The following CAMK4 variants were observed in gnomAD, a reference collection of about 807,000 sequenced individuals.
The protein encoded by CAMK4 is calcium/calmodulin dependent protein kinase IV, also known as calcium/calmodulin-dependent protein kinase type IV.
CAMK4 carries 22 observed loss-of-function variants against 44.9 expected under a neutral mutation model. The ratio of observed to expected loss-of-function variants is 0.49; its 90% CI spans 0.35 to 0.70. The LOEUF is 0.70. Among genes scored for constraint, CAMK4 ranks in the 30% least tolerant of loss-of-function variants. The probability of loss-of-function intolerance (pLI) is 0.01; values close to 1 mark genes in which losing one functional copy is unlikely to be tolerated. For synonymous variants in CAMK4, 218 were observed against 215.4 expected (o/e 1.01, Z -0.11); for missense variants, 498 against 586.8 (o/e 0.85, Z 1.56).
chr5:111,350,621 C>A (rs7724631), intron 2 of CAMK4, among the ~76,000 whole-genome samples: 1 of 151,746 alleles, frequency 6.6e-6, no homozygotes, highest in Non-Finnish European at 1.5e-5. Context: ...CCTAGATCTA[C>A]AATAGAAAAA....
chr5:111,397,160 A>G (rs1279975710), intron 5 of CAMK4, among the ~76,000 whole-genome samples: 1 of 152,230 alleles, frequency 6.6e-6, no homozygotes, highest in Non-Finnish European at 1.5e-5. Context: ...CTGATACAGC[A>G]GTTAAGAATA....
chr5:111,368,734 G>T (rs891855536), intron 2 of CAMK4, among the ~76,000 whole-genome samples: 1 of 151,938 alleles, frequency 6.6e-6, no homozygotes, highest in Non-Finnish European at 1.5e-5. Flanking sequence ...ATCAGGTTTT[G>T]TTGCTTAGTT....
intron 1 of CAMK4, among the ~76,000 whole-genome samples, chr5:111,239,191 C>A (rs1748879175): frequency 6.6e-6 from 1 of 152,108 alleles, no homozygotes. Flanking sequence ...ACCCAGTATT[C>A]CTCTGGGTCT....
At chr5:111,356,264 C>G (rs1387479046) in intron 2 of CAMK4, among the ~76,000 whole-genome samples, 1 of 151,386 alleles carries the variant, frequency 6.6e-6, no homozygotes, top group Non-Finnish European at 1.5e-5. Flanking sequence ...TGATGATGAG[C>G]ATTTTTTCAT....
rs1755748494 is a variant in CAMK4, at chr5:111,489,633, TG to T, written c.*5168del. The T allele has an allele frequency of 6.6e-6, 1 of 152,196 alleles. No homozygotes were observed. The highest frequency in any genetic ancestry group is 1.5e-5 in the Non-Finnish European group (1 of 68,034). 9.4% of individuals were successfully genotyped at this position (152,196 alleles called of 1,614,324 possible). A position where few individuals can be genotyped will look rare whatever the true frequency, so the allele number is the denominator to read the frequency against. On this transcript the variant is annotated 3_prime_UTR_variant, in exon 11 of 11. Transcript: ENST00000282356. ...TAGAAGCCTTGCCGAGAAAGTGAAC[TG>T]TCTTACTCCTTCAAAGGAATCAGAT...
intron 1 of CAMK4, among the ~76,000 whole-genome samples, chr5:111,245,594 A>T (rs375008454): frequency 3.9e-5 from 6 of 152,112 alleles, no homozygotes; most frequent in African/African-American, 1.2e-4. Flanking sequence ...TTGGTTTTTT[A>T]TTCTCATAAT....
In CAMK4 at chr5:111,421,092, A is replaced by T. The variant is rs141222499; in HGVS notation, c.460-25594A>T. Among the ~76,000 whole-genome samples the T allele has an allele frequency of 6.0e-3, 909 of 152,346 alleles. 6 individuals are homozygous for T. The highest frequency in any genetic ancestry group is 0.015 in the Admixed American group (237 of 15,304). ...GCAGTAAAGACAGCCATAAGAAATT[A>T]TAAAAGTATTAATTTGGGGAACTAA... On this transcript the variant is annotated intron_variant, in intron 5 of 10. Coordinates refer to ENST00000282356, the MANE Select transcript of CAMK4 (RefSeq NM_001744.6).
intron 1 of CAMK4, among the ~76,000 whole-genome samples, chr5:111,333,173 T>C (rs556990506): frequency 1.3e-5 from 2 of 150,998 alleles, no homozygotes; most frequent in African/African-American, 4.9e-5. Flanking sequence ...TTAAATATAG[T>C]AGATGGTATG....
intron 1 of CAMK4, among the ~76,000 whole-genome samples, chr5:111,308,399 A>G (rs1748035963): frequency 6.6e-6 from 1 of 152,226 alleles, no homozygotes; most frequent in African/African-American, 2.4e-5. Flanking sequence ...GGTGGTGGTA[A>G]TAAGGATTAC....
rs1468008020 is a variant in CAMK4 at position 111,276,225 on chromosome 5, A to G, written c.161+51581A>G. Among the ~76,000 whole-genome samples the G allele has an allele frequency of 2.6e-5, 4 of 152,226 alleles. No homozygotes were observed. In the East Asian group the frequency reaches 5.8e-4, roughly 22 times the overall value. On this transcript the variant is annotated intron_variant, in intron 1 of 10. Transcript: ENST00000282356. ...CTTATGTGTTTAAGGATTTCTACCTATCCTCTAGGTCTGTCTGTTTTTCTT... is the reference window on the plus strand; with the variant it reads ...CTTATGTGTTTAAGGATTTCTACCTGTCCTCTAGGTCTGTCTGTTTTTCTT...
At chr5:111,343,384 T>A (rs759937853) in intron 1 of CAMK4, among the ~76,000 whole-genome samples, 11 of 151,786 alleles carry the variant, frequency 7.2e-5, no homozygotes, top group Non-Finnish European at 1.5e-4. Flanking sequence ...TTCTCTTTTA[T>A]CTCTCTTTTA....
At chr5:111,353,877 G>A (rs189681875) in intron 2 of CAMK4, among the ~76,000 whole-genome samples, 1 of 152,184 alleles carries the variant, frequency 6.6e-6, no homozygotes, top group Admixed American at 6.5e-5. Flanking sequence ...GTTAGTTCAT[G>A]GAGTGAAAGA....
At chr5:111,301,311 A>G (rs1747710150) in intron 1 of CAMK4, among the ~76,000 whole-genome samples, 1 of 152,240 alleles carries the variant, frequency 6.6e-6, no homozygotes, top group South Asian at 2.1e-4. Context: ...AGCAAACTAA[A>G]CAGTTAAAAT....
chr5:111,346,239 G>A (rs936781036), intron 2 of CAMK4, among the ~76,000 whole-genome samples: 5 of 151,840 alleles, frequency 3.3e-5, no homozygotes, highest in African/African-American at 7.3e-5. Flanking sequence ...ATTCAGCCAA[G>A]GGGTCTGCTC....
Position 111,494,655 on chromosome 5 carries a change from G to A in CAMK4, c.*10189G>A, listed in dbSNP as rs1416238500. 1 of 151,452 alleles carries A rather than the reference G, an allele frequency of 6.6e-6. No individual in the cohort carries two copies. Among genetic ancestry groups the A allele is most frequent in the Non-Finnish European group, 1.5e-5 (1 of 67,990 alleles). The allele number at this position is 151,452 out of a possible 1,614,324, so 9.4% of individuals were successfully genotyped here. On this transcript the variant is annotated 3_prime_UTR_variant, in exon 11 of 11. Transcript: ENST00000282356. Reference sequence around the variant, plus strand: ...TCAGTAATTAAATATGTAAATTTTGGGGGGGGTTGGGGGGTGTTTTCTAGG... The same window carrying A: ...TCAGTAATTAAATATGTAAATTTTGAGGGGGGTTGGGGGGTGTTTTCTAGG...
In CAMK4 at chr5:111,315,834, C is replaced by G. The variant is rs190248441; in HGVS notation, c.162-28190C>G. Among the ~76,000 whole-genome samples, 398 of 152,216 alleles carry G rather than the reference C, an allele frequency of 2.6e-3. 1 individual carries two copies. The highest frequency in any genetic ancestry group is 9.0e-3 in the African/African-American group (375 of 41,548). On this transcript the variant is annotated intron_variant, in intron 1 of 10. Coordinates refer to ENST00000282356, the MANE Select transcript of CAMK4 (RefSeq NM_001744.6). ...AGTGACAGCTTCTTCTGCTAGATAA[C>G]TGTCACCTGAGATATTGCGAAGGGC...
intron 5 of CAMK4, among the ~76,000 whole-genome samples, chr5:111,417,551 G>T (rs936562509): frequency 9.2e-5 from 14 of 152,120 alleles, no homozygotes; most frequent in African/African-American, 3.1e-4. Flanking sequence ...TAAAGAAGGG[G>T]TCTCATTCTG....
chr5:111,478,830 G>A (rs1755333620), intron 9 of CAMK4, among the ~76,000 whole-genome samples: 1 of 152,120 alleles, frequency 6.6e-6, no homozygotes, highest in Non-Finnish European at 1.5e-5. Flanking sequence ...ACAGAATTCT[G>A]TTTTAACATG....
chr5:111,268,698 T>C (rs1222433940), intron 1 of CAMK4, among the ~76,000 whole-genome samples: 1 of 152,200 alleles, frequency 6.6e-6, no homozygotes, highest in Non-Finnish European at 1.5e-5. Flanking sequence ...TGATGTAATA[T>C]AATAGCTGAG....
Sources: gnomAD v4.1 joint callset for allele counts (sites outside exome capture counted in the v4.1 genomes callset) on GRCh38, gnomAD v4.1.1 for gene constraint, MANE v1.5 for transcripts, NCBI Gene and HGNC (gene_info 2026-07-23, HGNC 2026-07-21) for gene names.